Variants in TNRC6A observed in about 807,000 individuals in gnomAD.
TNRC6A encodes trinucleotide repeat containing adaptor 6A.
In TNRC6A, 44 loss-of-function variants were observed where a neutral mutation model predicts 221.2. The observed-to-expected ratio is 0.20, with a 90% CI of 0.16 to 0.26. The LOEUF (loss-of-function observed/expected upper bound fraction) is 0.26. Ranked by LOEUF, TNRC6A falls within the 10% of genes least tolerant of loss-of-function variation. The pLI, the probability that TNRC6A is intolerant of heterozygous loss-of-function variation, is 1.00. For missense variants in TNRC6A, 2,199 were observed against 2,404.4 expected (o/e 0.91, Z 1.79); for synonymous variants, 847 against 838.5 (o/e 1.01, Z -0.18).
In TNRC6A at chr16:24,789,749, C is replaced by T. The variant is rs1416261618; in HGVS notation, c.1107C>T (p.Ala369=). Residue 369 remains alanine (A), a synonymous_variant, in exon 6 of 25, where the codon GCC becomes GCT. Transcript: ENST00000395799. ...TGAATTCAGCTAGCAACCATGGTGCCTGGCCAGTATTAGAGAACAATGGAC... is the reference window on the plus strand; with the variant it reads ...TGAATTCAGCTAGCAACCATGGTGCTTGGCCAGTATTAGAGAACAATGGAC... ...STLNSASNHG[A]WPVLENNGLA... The T allele has an allele frequency of 6.2e-7, 1 of 1,614,192 alleles. No individual in the cohort carries two copies. Among genetic ancestry groups the T allele is most frequent in the Admixed American group, 1.7e-5 (1 of 60,020 alleles).
intron 1 of TNRC6A, among the ~76,000 whole-genome samples, chr16:24,623,193 A>ATTTG (rs200933256): frequency 6.7e-6 from 1 of 148,352 alleles, no homozygotes; most frequent in African/African-American, 2.5e-5. Context: ...TTATTTATTT[A>ATTTG]CTTATTTTAT....
chr16:24,660,739 C>CTTTTTTTTTTTTTTT (rs58299677), intron 2 of TNRC6A, among the ~76,000 whole-genome samples: 23 of 91,286 alleles, frequency 2.5e-4, no homozygotes, highest in East Asian at 1.5e-3. Context: ...TTTTTTTTTT[C>CTTTTTTTTTTTTTTT]TTTTTTTTTT....
At position 24,631,434 on chromosome 16, in the gene TNRC6A, C is replaced by T. The variant is rs78673821; in HGVS notation, n.277-9450C>T. Among the ~76,000 whole-genome samples, 978 of 152,216 alleles carry T rather than the reference C, an allele frequency of 6.4e-3. 12 individuals carry two copies. Among genetic ancestry groups the T allele is most frequent in the African/African-American group, 0.021 (870 of 41,524 alleles). On this transcript the variant is annotated intron_variant and non_coding_transcript_variant, in intron 1 of 2. Transcript: ENST00000566108. ...GGTTTGCCCCTATTCTTTCTCAGTC[C>T]TTTTGTTTGTTCCTAATTCTCTTCC...
chr16:24,769,281 C>T (rs1409396604), intron 4 of TNRC6A, among the ~76,000 whole-genome samples: 1 of 151,980 alleles, frequency 6.6e-6, no homozygotes, highest in African/African-American at 2.4e-5. Flanking sequence ...CTTATTGGTG[C>T]ATTTCATTGT....
intron 2 of TNRC6A, among the ~76,000 whole-genome samples, chr16:24,744,866 A>AAT (rs746452382): frequency 7.2e-5 from 11 of 151,846 alleles, no homozygotes; most frequent in South Asian, 2.1e-4. Context: ...AGGACATGTA[A>AAT]ATATATATAT....
intron 1 of TNRC6A, among the ~76,000 whole-genome samples, chr16:24,628,359 G>A (rs1027607197): frequency 6.6e-6 from 1 of 152,054 alleles, no homozygotes; most frequent in Non-Finnish European, 1.5e-5. Flanking sequence ...GGCGGAGGTT[G>A]CAGTGAGCTG....
chr16:24,746,900 A>C (rs1196746340), intron 2 of TNRC6A, among the ~76,000 whole-genome samples: 1 of 151,902 alleles, frequency 6.6e-6, no homozygotes, highest in Non-Finnish European at 1.5e-5. Context: ...ATAGAGACAG[A>C]CTCTCACTAT....
At chr16:24,758,570 C>G (rs902743322) in intron 4 of TNRC6A, among the ~76,000 whole-genome samples, 2 of 152,084 alleles carry the variant, frequency 1.3e-5, no homozygotes, top group African/African-American at 2.4e-5. Flanking sequence ...CTGCCTCAGA[C>G]CTGCCTTAAA....
At chr16:24,720,368 G>C (rs191802187) in intron 2 of TNRC6A, among the ~76,000 whole-genome samples, 28 of 151,364 alleles carry the variant, frequency 1.8e-4, no homozygotes, top group Non-Finnish European at 3.4e-4. Flanking sequence ...CACCCGTCTG[G>C]GTGACACAGC....
At chr16:24,704,664 CAAAAAA>C (rs58926085) in intron 2 of TNRC6A, among the ~76,000 whole-genome samples, 8 of 69,458 alleles carry the variant, frequency 1.2e-4, no homozygotes, top group Admixed American at 6.2e-4. Flanking sequence ...GACTCCGTCT[CAAAAAA>C]AAAAAAAAAA....
intron 5 of TNRC6A, among the ~76,000 whole-genome samples, chr16:24,778,629 C>G (rs2057776212): frequency 6.6e-6 from 1 of 152,138 alleles, no homozygotes; most frequent in Non-Finnish European, 1.5e-5. Context: ...AACAGTAGTA[C>G]CCAACCCTAT....
At chr16:24,807,540 T>C (rs1163310161) in intron 17 of TNRC6A, among the ~76,000 whole-genome samples, 1 of 152,078 alleles carries the variant, frequency 6.6e-6, no homozygotes, top group Non-Finnish European at 1.5e-5. Flanking sequence ...GAACTTGAAG[T>C]TTTAACTACT....
At chr16:24,660,108 G>C (rs1202688290) in intron 2 of TNRC6A, among the ~76,000 whole-genome samples, 13 of 151,744 alleles carry the variant, frequency 8.6e-5, no homozygotes, top group Non-Finnish European at 1.8e-4. Flanking sequence ...GTTTTGGGGG[G>C]AACAGGTAGT....
intron 2 of TNRC6A, among the ~76,000 whole-genome samples, chr16:24,732,565 C>G (rs1165787384): frequency 6.6e-6 from 1 of 152,144 alleles, no homozygotes; most frequent in Non-Finnish European, 1.5e-5. Context: ...TTGGAGGAGA[C>G]CATATCACTG....
intron 1 of TNRC6A, among the ~76,000 whole-genome samples, chr16:24,620,891 C>T (rs1277212246): frequency 4.6e-5 from 7 of 151,802 alleles, no homozygotes; most frequent in Admixed American, 1.3e-4. Context: ...CGAGACCATC[C>T]TGGCCAACAT....
At chr16:24,787,230 C>T (rs967400493) in intron 5 of TNRC6A, among the ~76,000 whole-genome samples, 10 of 152,212 alleles carry the variant, frequency 6.6e-5, no homozygotes, top group African/African-American at 2.4e-4. Flanking sequence ...TATTGTTTAT[C>T]TTCTGGTTTT....
chr16:24,692,810 C>A (rs2055782598), intron 2 of TNRC6A, among the ~76,000 whole-genome samples: 1 of 151,818 alleles, frequency 6.6e-6, no homozygotes, highest in African/African-American at 2.4e-5. Flanking sequence ...GCAGTCAATT[C>A]TAGACATCTA....
intron 2 of TNRC6A, among the ~76,000 whole-genome samples, chr16:24,677,171 T>C (rs1340919744): frequency 3.3e-5 from 5 of 150,976 alleles, no homozygotes; most frequent in African/African-American, 1.2e-4. Flanking sequence ...TTTCTTTTTT[T>C]TTTTTTTCCC....
At chr16:24,684,019 A>G (rs7198632) in intron 2 of TNRC6A, among the ~76,000 whole-genome samples, 68,385 of 152,062 alleles carry the variant, frequency 0.45, 17,206 homozygotes, top group East Asian at 0.68. Flanking sequence ...TGAATCAAAC[A>G]TCTTTGTCAC....
Sources: gnomAD v4.1 joint callset for allele counts (sites outside exome capture counted in the v4.1 genomes callset) on GRCh38, gnomAD v4.1.1 for gene constraint, MANE v1.5 for transcripts, NCBI Gene and HGNC (gene_info 2026-07-23, HGNC 2026-07-21) for gene names.